The following PPARG variants were observed in gnomAD, a reference collection of about 807,000 sequenced individuals.
The protein encoded by PPARG is peroxisome proliferator activated receptor gamma.
A neutral mutation model predicts 39.2 loss-of-function variants in PPARG; 17 were observed. That is an observed-to-expected ratio of 0.43 (90% confidence interval 0.30 to 0.65). The LOEUF (loss-of-function observed/expected upper bound fraction) is 0.65, where lower values mean the gene tolerates loss of function less well. Among genes scored for constraint, PPARG ranks in the 30% least tolerant of loss-of-function variants. PPARG has a pLI of 0.13. For synonymous variants in PPARG, 223 were observed against 215.7 expected (o/e 1.03, Z -0.30); for missense variants, 406 against 585.9 (o/e 0.69, Z 3.17).
intron 2 of PPARG, among the ~76,000 whole-genome samples, chr3:12,341,583 AG>A (rs1444288912): frequency 6.6e-6 from 1 of 152,192 alleles, no homozygotes; most frequent in Non-Finnish European, 1.5e-5. Flanking sequence ...CAAGGTGGAC[AG>A]ATCACTTGAT....
intron 2 of PPARG, among the ~76,000 whole-genome samples, chr3:12,345,958 G>C (rs2048313356): frequency 6.6e-6 from 1 of 152,192 alleles, no homozygotes; most frequent in Admixed American, 6.5e-5. Context: ...ATGAAAATGT[G>C]TCAGTTGATA....
At chr3:12,376,463 C>G (rs915268276) in intron 2 of PPARG, among the ~76,000 whole-genome samples, 7 of 152,054 alleles carry the variant, frequency 4.6e-5, no homozygotes, top group African/African-American at 1.7e-4. Context: ...CACAGATACA[C>G]AGAGGAGAGT....
At chr3:12,410,163 A>G (rs1366776013) in intron 6 of PPARG, among the ~76,000 whole-genome samples, 2 of 152,206 alleles carry the variant, frequency 1.3e-5, no homozygotes, top group Non-Finnish European at 2.9e-5. Context: ...AATAGGATGG[A>G]ACTGACTGTC....
chr3:12,360,573 A>AC (rs1445470218), intron 2 of PPARG, among the ~76,000 whole-genome samples: 4 of 99,416 alleles, frequency 4.0e-5, no homozygotes, highest in East Asian at 1.3e-3. Context: ...TAGCACCCAG[A>AC]CAAAAAAAAA....
At chr3:12,383,234 A>G (rs543397454) in intron 4 of PPARG, among the ~76,000 whole-genome samples, 2 of 151,982 alleles carry the variant, frequency 1.3e-5, no homozygotes, top group East Asian at 1.9e-4. Flanking sequence ...CTGTAATTTC[A>G]AAATGACACT....
In PPARG at chr3:12,404,718, C is replaced by A. The variant is rs147061303; in HGVS notation, c.530-1164C>A. Among the ~76,000 whole-genome samples, 161 of 152,280 alleles carry A rather than the reference C, an allele frequency of 1.1e-3. 1 individual carries two copies. Among genetic ancestry groups the A allele is most frequent in the African/African-American group, 3.8e-3 (158 of 41,558 alleles). ...TACTCAGAGGCTGAGGCAGGAGAAT[C>A]GCTTGAACCCAGGAGGTGGAGGTTG... On this transcript the variant is annotated intron_variant, in intron 5 of 7. Coordinates refer to ENST00000651735, the MANE Select transcript of PPARG (RefSeq NM_138711.6).
chr3:12,381,185 T>A, intron 3 of PPARG, 137 bp from the exon 4 acceptor site: 1 of 892,002 alleles, frequency 1.1e-6, no homozygotes, highest in Non-Finnish European at 1.8e-6. Context: ...AACTCCAGTG[T>A]TTTTTCATGT....
intron 5 of PPARG, among the ~76,000 whole-genome samples, chr3:12,394,836 G>A (rs141991892): frequency 2.0e-4 from 31 of 152,344 alleles, no homozygotes; most frequent in African/African-American, 7.2e-4. Context: ...TTTGACCAAT[G>A]TGAAGCCAAC....
At chr3:12,408,255 A>C (rs535298191) in intron 6 of PPARG, among the ~76,000 whole-genome samples, 3 of 152,324 alleles carry the variant, frequency 2.0e-5, no homozygotes, top group East Asian at 3.9e-4. Flanking sequence ...CTCATCTGCT[A>C]TCCCAACATA....
At chr3:12,294,862 C>T (rs1318164673) in intron 1 of PPARG, among the ~76,000 whole-genome samples, 1 of 152,194 alleles carries the variant, frequency 6.6e-6, no homozygotes, top group Non-Finnish European at 1.5e-5. Context: ...TATTGCACTC[C>T]AGCCTGGGCA....
At chr3:12,294,893 C>T (rs1335182808) in intron 1 of PPARG, among the ~76,000 whole-genome samples, 2 of 152,036 alleles carry the variant, frequency 1.3e-5, no homozygotes, top group Non-Finnish European at 2.9e-5. Context: ...AACTCTGTCT[C>T]GAAATAATAA....
chr3:12,317,508 T>G (rs976858834), intron 2 of PPARG, among the ~76,000 whole-genome samples: 1 of 152,184 alleles, frequency 6.6e-6, no homozygotes, highest in African/African-American at 2.4e-5. Context: ...CTACCTGGCT[T>G]TCAGAGTTTT....
chr3:12,421,116 C>T (rs1187666831), intron 7 of PPARG, among the ~76,000 whole-genome samples: 1 of 152,202 alleles, frequency 6.6e-6, no homozygotes, highest in East Asian at 1.9e-4. Context: ...TGAGATCTGA[C>T]AAACTAGTGC....
At chr3:12,360,975 CGTTGCCAACAGTTCTG>C (rs1559507462) in intron 2 of PPARG, among the ~76,000 whole-genome samples, 1 of 151,948 alleles carries the variant, frequency 6.6e-6, no homozygotes, top group Non-Finnish European at 1.5e-5. Flanking sequence ...CTTCAGGAGA[CGTTGCCAACAGTTCTG>C]AACAGGACTC....
chr3:12,322,220 C>T (rs942383113), intron 2 of PPARG, among the ~76,000 whole-genome samples: 8 of 152,200 alleles, frequency 5.3e-5, no homozygotes, highest in African/African-American at 1.9e-4. Context: ...GACTGGCTAG[C>T]GCTTTTTAGC....
rs1275754612 is a variant in PPARG at position 12,311,986 on chromosome 3, A to T, written c.-82-394A>T. ...TCAAACATTAACTTTCAGGGTTATTAATCCTTTTAAGGTCTAGTTTTTCTT... is the reference window on the plus strand; with the variant it reads ...TCAAACATTAACTTTCAGGGTTATTTATCCTTTTAAGGTCTAGTTTTTCTT... On this transcript the variant is annotated intron_variant, in intron 1 of 7. Transcript: ENST00000651735. 2.6e-5 allele frequency among the ~76,000 whole-genome samples: 4 copies of T among 152,342 alleles called. No homozygotes were observed. The East Asian group carries it at 5.8e-4, about 22-fold the overall frequency.
intron 6 of PPARG, among the ~76,000 whole-genome samples, chr3:12,410,916 A>G (rs1002096333): frequency 1.3e-5 from 2 of 152,164 alleles, no homozygotes; most frequent in Non-Finnish European, 2.9e-5. Flanking sequence ...CTGAGCTGGA[A>G]TTTGCTCCCC....
intron 2 of PPARG, among the ~76,000 whole-genome samples, chr3:12,325,221 G>A (rs1404743538): frequency 1.3e-5 from 2 of 152,116 alleles, no homozygotes; most frequent in African/African-American, 2.4e-5. Context: ...AGGAGTTCAA[G>A]ACCAGCCTGG....
At chr3:12,404,495 A>G (rs921236367) in intron 5 of PPARG, among the ~76,000 whole-genome samples, 1 of 152,218 alleles carries the variant, frequency 6.6e-6, no homozygotes, top group Non-Finnish European at 1.5e-5. Flanking sequence ...TACCCTTAGC[A>G]TAATAACATA....
Sources: allele counts gnomAD v4.1 joint callset (sites outside exome capture counted in the v4.1 genomes callset), GRCh38; gene constraint gnomAD v4.1.1; transcripts MANE v1.5; gene names NCBI Gene and HGNC (gene_info 2026-07-23, HGNC 2026-07-21).